The following TCTN2 variants were observed in gnomAD, a reference collection of about 807,000 sequenced individuals.
The protein encoded by TCTN2 is tectonic-2.
A neutral mutation model predicts 83.4 loss-of-function variants in TCTN2; 66 were observed. The ratio of observed to expected loss-of-function variants is 0.79; its 90% CI spans 0.65 to 0.97. The LOEUF (loss-of-function observed/expected upper bound fraction) is 0.97, where lower values mean the gene tolerates loss of function less well. Among genes scored for constraint, TCTN2 ranks in the 50% least tolerant of loss-of-function variants. The probability of loss-of-function intolerance (pLI) is 0.00; values close to 1 mark genes in which losing one functional copy is unlikely to be tolerated. For synonymous variants in TCTN2, 301 were observed against 326.7 expected (o/e 0.92, Z 0.85); for missense variants, 794 against 858.1 (o/e 0.93, Z 0.93).
rs372513827 is a variant in TCTN2 at position 123,685,454 on chromosome 12, T to G, written c.565-1382T>G. On this transcript the variant is annotated intron_variant, in intron 5 of 17. Transcript: ENST00000303372. ...CTTTTTTCGAGACGGAGTCTTGTTC[T>G]GTCACCCAGGCTGGAGTGCAGTGGT... Among the ~76,000 whole-genome samples, 5 of 152,190 alleles carry G rather than the reference T, an allele frequency of 3.3e-5. No homozygotes were observed. In the East Asian group the frequency reaches 7.7e-4, roughly 23 times the overall value.
rs772401980 is a variant in TCTN2 at position 123,708,275 on chromosome 12, G to A, written c.*562G>A. 6.2e-6 allele frequency: 1 copy of A among 161,876 alleles called. No homozygotes were observed. Among genetic ancestry groups the A allele is most frequent in the Admixed American group, 5.8e-5 (1 of 17,262 alleles). The allele number at this position is 161,876 out of a possible 1,614,324, so 10.0% of individuals were successfully genotyped here. A position where few individuals can be genotyped will look rare whatever the true frequency, so the allele number is the denominator to read the frequency against. On this transcript the variant is annotated 3_prime_UTR_variant, in exon 18 of 18. Coordinates refer to ENST00000303372, the MANE Select transcript of TCTN2 (RefSeq NM_024809.5). The stretch of plus-strand genomic sequence containing the variant: ...CCCAAAGTGCTGGGATCACAGACGT[G>A]AGCCACTGCGTCCGGTCCATCTGAC...
chr12:123,681,693 C>T (rs1304763668), intron 5 of TCTN2, among the ~76,000 whole-genome samples: 1 of 152,062 alleles, frequency 6.6e-6, no homozygotes, highest in Non-Finnish European at 1.5e-5. Flanking sequence ...TGAATAGTGC[C>T]GCTGTGAACA....
intron 11 of TCTN2, chr12:123,696,016 G>A (rs1956103409): frequency 4.5e-6 from 1 of 223,036 alleles, no homozygotes; most frequent in East Asian, 1.2e-4. Flanking sequence ...GCAAATTTTT[G>A]TACTTTTAGT....
chr12:123,703,815 T>A (rs557620446), intron 14 of TCTN2, among the ~76,000 whole-genome samples: 1 of 152,260 alleles, frequency 6.6e-6, no homozygotes, highest in Admixed American at 6.5e-5. Context: ...GGATTTTAAA[T>A]GTCTTACACA....
chr12:123,684,023 C>T (rs952995288), intron 5 of TCTN2, among the ~76,000 whole-genome samples: 2 of 152,154 alleles, frequency 1.3e-5, no homozygotes, highest in South Asian at 2.1e-4. Flanking sequence ...AAGTCCCTCT[C>T]GTATTTGGGT....
At chr12:123,702,125 C>A (rs1194201559) in intron 14 of TCTN2, among the ~76,000 whole-genome samples, 2 of 152,142 alleles carry the variant, frequency 1.3e-5, no homozygotes, top group Non-Finnish European at 1.5e-5. Context: ...TCTTGGGGAG[C>A]CTTGAGTCTG....
rs746327557 is a variant in TCTN2, at chr12:123,695,191, C to T, written c.1235-29C>T. 1.7e-5 allele frequency: 25 copies of T among 1,466,418 alleles called. 1 individual carries two copies. The highest frequency in any genetic ancestry group is 2.2e-5 in the Non-Finnish European group (23 of 1,046,758). 90.8% of individuals were successfully genotyped at this position (1,466,418 alleles called of 1,614,324 possible). On this transcript the variant is annotated intron_variant, in intron 10 of 17. Transcript: ENST00000303372. ...TTTCTTTTCCTAGTGAAATGGTGCA[C>T]ATTATATTTTATTTTGTTTTATTTC...
intron 13 of TCTN2, 63 bp downstream of exon 13, chr12:123,697,261 C>T: frequency 8.6e-7 from 1 of 1,169,260 alleles, no homozygotes; most frequent in South Asian, 1.2e-5. Context: ...TAATTCACTA[C>T]ATGAATATCA....
At chr12:123,705,261 C>T (rs1324102828) in intron 15 of TCTN2, among the ~76,000 whole-genome samples, 3 of 147,266 alleles carry the variant, frequency 2.0e-5, no homozygotes, top group Non-Finnish European at 3.0e-5. Flanking sequence ...CTCTCTAGTT[C>T]AAGCGATTCT....
Position 123,704,593 on chromosome 12 carries a change from G to C in TCTN2, c.1674G>C (p.Leu558=). 6.2e-7 allele frequency: 1 copy of C among 1,613,418 alleles called. No individual in the cohort carries two copies. Among genetic ancestry groups the C allele is most frequent in the Non-Finnish European group, 8.5e-7 (1 of 1,179,954 alleles). Residue 558 remains leucine, a synonymous_variant, in exon 15 of 18, where the codon CTG becomes CTC. Coordinates refer to ENST00000303372, the MANE Select transcript of TCTN2 (RefSeq NM_024809.5). ...CTAGCAGTGTGAACGGCATGTGCCT[G>C]GATATTCCTGCTCACCTGAGCATCC... ...PLASSVNGMC[L]DIPAHLSIRI...
chr12:123,673,420 G>T (rs1179800021), intron 3 of TCTN2, among the ~76,000 whole-genome samples, 195 bp from the exon 4 acceptor site: 2 of 152,178 alleles, frequency 1.3e-5, no homozygotes, highest in Non-Finnish European at 1.5e-5. Context: ...TTTATGTTAA[G>T]GAAGAAGAAT....
intron 5 of TCTN2, among the ~76,000 whole-genome samples, chr12:123,682,696 G>A (rs1955913978): frequency 6.6e-6 from 1 of 151,586 alleles, no homozygotes; most frequent in African/African-American, 2.4e-5. Flanking sequence ...TGGCCAGGCT[G>A]GTCTCGAACT....
In TCTN2 at chr12:123,690,515, T is replaced by C. The variant is rs1319716996; in HGVS notation, c.892-18T>C. On this transcript the variant is annotated intron_variant, in intron 7 of 17. Transcript: ENST00000303372. The stretch of plus-strand genomic sequence containing the variant: ...GGAGAGAGGCCATAAATCTGTTGGC[T>C]TTGCCCTTCTCCCTCAGGTGTCCCT... 6.2e-7 allele frequency: 1 copy of C among 1,614,192 alleles called. No individual in the cohort carries two copies. The highest frequency in any genetic ancestry group is 1.7e-5 in the Admixed American group (1 of 60,008).
chr12:123,706,783 CCTT>C lies in TCTN2; in HGVS notation c.1830_1832del (p.Leu611del). 1.9e-6 allele frequency: 3 copies of C among 1,614,136 alleles called. No homozygotes were observed. The highest frequency in any genetic ancestry group is 2.5e-6 in the Non-Finnish European group (3 of 1,180,044). On this transcript the variant is annotated inframe_deletion, in exon 16 of 18. Transcript: ENST00000303372. ...GGCTTACCTGTGAGCACAAGGCCGA[CCTT>C]CTCCCTATCAGTGCATCCGTCCAGT... is the stretch of plus-strand genomic sequence containing the variant.
At chr12:123,686,398 G>T (rs1955967891) in intron 5 of TCTN2, among the ~76,000 whole-genome samples, 1 of 152,150 alleles carries the variant, frequency 6.6e-6, no homozygotes, top group Admixed American at 6.6e-5. Flanking sequence ...TCTAGTGAGG[G>T]CCTGGAGGAT....
intron 15 of TCTN2, among the ~76,000 whole-genome samples, chr12:123,706,066 C>G (rs1956226112): frequency 6.6e-6 from 1 of 152,158 alleles, no homozygotes; most frequent in Non-Finnish European, 1.5e-5. Flanking sequence ...CCTCCTCTTT[C>G]TCAAAATAGA....
chr12:123,686,887 G>T lies in TCTN2; in HGVS notation c.616G>T (p.Val206Leu), dbSNP rs1412538183. 3 of 1,614,058 alleles carry T rather than the reference G, an allele frequency of 1.9e-6. No individual in the cohort carries two copies. The highest frequency in any genetic ancestry group is 2.5e-6 in the Non-Finnish European group (3 of 1,180,044). The change falls in exon 6 of 18, where the codon GTG (valine) becomes TTG (leucine). Residue 206 changes from valine to leucine, a missense_variant. Val to Leu is a conservative substitution (Grantham distance 32). Coordinates refer to ENST00000303372, the MANE Select transcript of TCTN2 (RefSeq NM_024809.5). ...GTTCAGACGGTCCTGCTTCACCGGC[G>T]TGTTTGGAGGAGACGTCAATCCTCC... ...TLFRRSCFTG[V>L]FGGDVNPPFD...
Position 123,685,718 on chromosome 12 carries a change from C to CT in TCTN2, c.565-1095dup, listed in dbSNP as rs3071665. Among the ~76,000 whole-genome samples, 674 of 109,436 alleles carry CT rather than the reference C, an allele frequency of 6.2e-3. 4 individuals are homozygous for CT. Among genetic ancestry groups the CT allele is most frequent in the Middle Eastern group, 0.011 (2 of 184 alleles). The allele number at this position is 109,436 out of a possible 152,430, so 71.8% of individuals were successfully genotyped here. On this transcript the variant is annotated intron_variant, in intron 5 of 17. Transcript: ENST00000303372. ...ACAGGTGTGAGCCACTGCGCCCGGT[C>CT]TTTTTTTTTTTTTTTTTTTTTTTAA...
chr12:123,672,609 C>T (rs1955769312), intron 3 of TCTN2, among the ~76,000 whole-genome samples: 2 of 151,604 alleles, frequency 1.3e-5, no homozygotes, highest in South Asian at 4.2e-4. Context: ...TGGCGTACAC[C>T]TACAGTCCCA....
Sources: allele counts gnomAD v4.1 joint callset (sites outside exome capture counted in the v4.1 genomes callset), GRCh38; gene constraint gnomAD v4.1.1; transcripts MANE v1.5; gene names NCBI Gene and HGNC (gene_info 2026-07-23, HGNC 2026-07-21).